The following DCP1B variants were observed in gnomAD, a reference collection of about 807,000 sequenced individuals.
DCP1B encodes mRNA-decapping enzyme 1B.
In DCP1B, 47 loss-of-function variants were observed where a neutral mutation model predicts 60.5. The ratio of observed to expected loss-of-function variants is 0.78; its 90% CI spans 0.61 to 0.99. DCP1B has a LOEUF of 0.99. Ranked by LOEUF, DCP1B falls within the 50% of genes least tolerant of loss-of-function variation. DCP1B has a pLI of 0.00. For synonymous variants in DCP1B, 267 were observed against 280.3 expected, an observed-to-expected ratio of 0.95 and a Z score of 0.47; for missense variants, 725 against 756.8, an observed-to-expected ratio of 0.96 and a Z score of 0.49.
At chr12:1,958,269 T>A (rs2470448) in intron 5 of DCP1B, among the ~76,000 whole-genome samples, 7 of 143,796 alleles carry the variant, frequency 4.9e-5, no homozygotes, top group African/African-American at 1.8e-4. Flanking sequence ...AACGTTGCTC[T>A]GGGTAATGAC....
intron 3 of DCP1B, among the ~76,000 whole-genome samples, chr12:1,989,461 T>A (rs946008125): frequency 6.6e-6 from 1 of 152,206 alleles, no homozygotes; most frequent in Non-Finnish European, 1.5e-5. Context: ...ACGCCTATAA[T>A]CCCAGCCCTT....
chr12:1,950,451 C>T, intron 7 of DCP1B: 1 of 698,576 alleles, frequency 1.4e-6, no homozygotes, highest in South Asian at 1.5e-5. Context: ...AATTCTAAAT[C>T]ATCAAAGAGG....
intron 5 of DCP1B, among the ~76,000 whole-genome samples, chr12:1,964,236 T>G (rs914654478): frequency 6.6e-6 from 1 of 152,138 alleles, no homozygotes; most frequent in Non-Finnish European, 1.5e-5. Context: ...ATACATTTAT[T>G]TCAGCTAGTT....
chr12:1,998,018 T>C, intron 1 of DCP1B, 43 bp from the exon 2 acceptor site: 1 of 1,554,132 alleles, frequency 6.4e-7, no homozygotes, highest in Non-Finnish European at 8.7e-7. Flanking sequence ...TATGTTCTCT[T>C]CAATTCACAA....
At chr12:1,961,935 G>T (rs561036172) in intron 5 of DCP1B, among the ~76,000 whole-genome samples, 1 of 152,150 alleles carries the variant, frequency 6.6e-6, no homozygotes, top group Non-Finnish European at 1.5e-5. Flanking sequence ...CTCAAGTGAG[G>T]CCAGAGAGGA....
intron 4 of DCP1B, among the ~76,000 whole-genome samples, chr12:1,967,563 T>C (rs193013787): frequency 5.0e-4 from 76 of 152,354 alleles, no homozygotes; most frequent in Non-Finnish European, 5.4e-4. Context: ...AATTTACATA[T>C]GAAAATATTA....
intron 6 of DCP1B, among the ~76,000 whole-genome samples, chr12:1,954,060 T>G (rs1197015537): frequency 1.3e-5 from 2 of 152,072 alleles, no homozygotes; most frequent in South Asian, 4.1e-4. Flanking sequence ...CACACGCCTG[T>G]AGTCCCAGCT....
intron 3 of DCP1B, among the ~76,000 whole-genome samples, chr12:1,978,785 G>A (rs879644536): frequency 2.6e-5 from 4 of 152,160 alleles, no homozygotes; most frequent in Non-Finnish European, 5.9e-5. Context: ...AAATGGGGTC[G>A]TACAGTATAT....
At chr12:1,968,542 T>C (rs2031511457) in intron 3 of DCP1B, among the ~76,000 whole-genome samples, 1 of 152,196 alleles carries the variant, frequency 6.6e-6, no homozygotes, top group African/African-American at 2.4e-5. Flanking sequence ...TCACAATTTC[T>C]ATACTTCCTG....
intron 5 of DCP1B, among the ~76,000 whole-genome samples, chr12:1,965,092 T>C (rs757985204): frequency 2.0e-5 from 3 of 152,232 alleles, no homozygotes; most frequent in Non-Finnish European, 2.9e-5. Flanking sequence ...AAGAGCTTTA[T>C]GTTGAATCTT....
Position 1,949,217 on chromosome 12 carries a change from C to G in DCP1B, c.1642G>C (p.Val548Leu). The G allele has an allele frequency of 4.3e-6, 7 of 1,614,178 alleles. No homozygotes were observed. The highest frequency in any genetic ancestry group is 5.9e-6 in the Non-Finnish European group (7 of 1,180,034). Residue 548 changes from valine to leucine, a missense_variant, in exon 8 of 9, where the codon GTG (valine) becomes CTG (leucine). Physicochemically the swap from Val to Leu is conservative, Grantham distance 32. Coordinates refer to ENST00000280665, the MANE Select transcript of DCP1B (RefSeq NM_152640.5). ...PKERESGLLP[V>L]GGQEPPAAAT... ...GCAGCAGGTGGCTCCTGGCCTCCCA[C>G]AGGCAAGAGGCCGCTCTCCCTTTCC...
Position 2,004,291 on chromosome 12 carries a change from G to A in DCP1B, c.141C>T (p.Ala47=). 1.2e-6 allele frequency: 2 copies of A among 1,613,192 alleles called. No homozygotes were observed. Among genetic ancestry groups the A allele is most frequent in the Admixed American group, 1.7e-5 (1 of 60,002 alleles). ...QVALYTFGHR[A]NEWEKTDVEG... ...CCGCGTCCGCACGCACCCACTCGTT[G>A]GCCCGATGGCCGAAGGTGTACAGAG... Residue 47 remains alanine (A), a synonymous_variant, in exon 1 of 9, where the codon GCC becomes GCT. Coordinates refer to ENST00000280665, the MANE Select transcript of DCP1B (RefSeq NM_152640.5).
intron 3 of DCP1B, among the ~76,000 whole-genome samples, chr12:1,983,853 A>C (rs1002022791): frequency 3.9e-5 from 6 of 151,928 alleles, no homozygotes; most frequent in South Asian, 2.1e-4. Flanking sequence ...TAAAAAAAAA[A>C]CAAAAACTTC....
intron 5 of DCP1B, among the ~76,000 whole-genome samples, chr12:1,963,455 A>G (rs1422799954): frequency 6.6e-6 from 1 of 152,192 alleles, no homozygotes. Flanking sequence ...TTAATTATCA[A>G]TTTTCAGAGG....
chr12:1,992,713 T>G (rs1352295742), intron 3 of DCP1B: 1 of 165,712 alleles, frequency 6.0e-6, no homozygotes, highest in Non-Finnish European at 1.3e-5. Context: ...GACTATTTAG[T>G]TACCTACTAC....
intron 5 of DCP1B, among the ~76,000 whole-genome samples, chr12:1,964,870 T>TC (rs933377553): frequency 4.6e-5 from 7 of 152,052 alleles, no homozygotes; most frequent in African/African-American, 1.7e-4. Flanking sequence ...GCTCGCTCCA[T>TC]CCCCCCACTC....
At chr12:1,991,034 C>T (rs1201889041) in intron 3 of DCP1B, 2 of 442,836 alleles carry the variant, frequency 4.5e-6, no homozygotes, top group Non-Finnish European at 9.0e-6. Context: ...TAGATCCATT[C>T]CCTTTCACTC....
Position 1,946,094 on chromosome 12 carries a change from A to C in DCP1B, c.*112T>G, listed in dbSNP as rs2030408200. 3.8e-6 allele frequency: 3 copies of C among 798,108 alleles called. No individual in the cohort carries two copies. Among genetic ancestry groups the C allele is most frequent in the Non-Finnish European group, 5.7e-6 (3 of 526,644 alleles). 49.4% of individuals were successfully genotyped at this position (798,108 alleles called of 1,614,324 possible). On this transcript the variant is annotated 3_prime_UTR_variant, in exon 9 of 9. Transcript: ENST00000280665. ...AAACATTTTACTTCATATTACACAT[A>C]CTTTTTTTTTAAAAAAGGCAGAAAC...
intron 5 of DCP1B, among the ~76,000 whole-genome samples, chr12:1,955,824 C>A (rs1183981224): frequency 6.6e-6 from 1 of 152,116 alleles, no homozygotes; most frequent in Non-Finnish European, 1.5e-5. Flanking sequence ...TCTTAAGACA[C>A]CTGTATAATT....
Sources: allele counts gnomAD v4.1 joint callset (sites outside exome capture counted in the v4.1 genomes callset), GRCh38; gene constraint gnomAD v4.1.1; transcripts MANE v1.5; gene names NCBI Gene and HGNC (gene_info 2026-07-23, HGNC 2026-07-21).